Variants in SGCD observed in about 807,000 individuals in gnomAD.
The protein encoded by SGCD is delta-sarcoglycan.
A neutral mutation model predicts 36.6 loss-of-function variants in SGCD; 18 were observed. The ratio of observed to expected loss-of-function variants is 0.49; its 90% CI spans 0.34 to 0.73. The LOEUF (loss-of-function observed/expected upper bound fraction) is 0.73, where lower values mean the gene tolerates loss of function less well. Ranked by LOEUF, SGCD falls within the 30% of genes least tolerant of loss-of-function variation. SGCD has a pLI of 0.01. For missense variants in SGCD, 387 were observed against 346.7 expected (o/e 1.12, Z -0.92); for synonymous variants, 133 against 130.6 (o/e 1.02, Z -0.12).
At chr5:156,718,986 C>T (rs1755356923) in intron 7 of SGCD, among the ~76,000 whole-genome samples, 1 of 152,076 alleles carries the variant, frequency 6.6e-6, no homozygotes, top group Non-Finnish European at 1.5e-5. Context: ...CTGCCTAACC[C>T]CTCCTTACCC....
intron 3 of SGCD, among the ~76,000 whole-genome samples, chr5:156,199,125 G>A (rs553890603): frequency 6.6e-5 from 10 of 152,176 alleles, no homozygotes; most frequent in South Asian, 2.1e-4. Flanking sequence ...AAAACATCAT[G>A]AATCTGAACC....
chr5:156,311,335 C>A (rs1190158322), intron 3 of SGCD, among the ~76,000 whole-genome samples: 1 of 152,018 alleles, frequency 6.6e-6, no homozygotes, highest in Admixed American at 6.6e-5. Context: ...TGGTTATTGA[C>A]CCCGAACAGG....
Position 155,956,479 on chromosome 5 carries a change from G to A in SGCD, c.-282+86055G>A, listed in dbSNP as rs116257961. On this transcript the variant is annotated intron_variant, in intron 1 of 9. Transcript: ENST00000517913. ...TTGAGCTTGGGTAGATAATGTAGGC[G>A]CTGGCATTTATTTTCATCGTCCTGA... 7.4e-3 allele frequency among the ~76,000 whole-genome samples: 1,123 copies of A among 152,152 alleles called. 11 individuals carry two copies. The highest frequency in any genetic ancestry group is 0.026 in the African/African-American group (1,066 of 41,524).
intron 1 of SGCD, among the ~76,000 whole-genome samples, chr5:156,026,718 C>T (rs1216072998): frequency 2.6e-5 from 4 of 152,250 alleles, no homozygotes; most frequent in Non-Finnish European, 5.9e-5. Context: ...GTTCTAGTCA[C>T]GTTCCCCAGG....
At chr5:156,146,276 GATAA>G (rs1291911118) in intron 3 of SGCD, among the ~76,000 whole-genome samples, 8 of 152,158 alleles carry the variant, frequency 5.3e-5, no homozygotes, top group Admixed American at 5.2e-4. Flanking sequence ...TGCATTCAAA[GATAA>G]ATAAACATCA....
intron 1 of SGCD, among the ~76,000 whole-genome samples, chr5:156,046,266 C>A (rs1024711941): frequency 6.6e-6 from 1 of 151,980 alleles, no homozygotes; most frequent in Non-Finnish European, 1.5e-5. Context: ...CAATGAATTC[C>A]CCACATGACT....
At chr5:155,842,971 C>T in the SGCD span, among the ~76,000 whole-genome samples, 5 of 152,196 alleles carry the variant, frequency 3.3e-5, no homozygotes, top group East Asian at 7.7e-4. Context: ...AGACTATCAA[C>T]TCCATCTAAG....
Position 156,272,903 on chromosome 5 carries a change from A to G in SGCD, c.-43-56631A>G, listed in dbSNP as rs138952736. Among the ~76,000 whole-genome samples the G allele has an allele frequency of 1.6e-4, 24 of 152,352 alleles. No homozygotes were observed. The East Asian group carries it at 4.4e-3, about 28-fold the overall frequency. ...GTCTGTGGCTGCTTTTGAGCCCTAC[A>G]ATGGCAAAGTTGCATAGTTACAAAG... is the stretch of plus-strand genomic sequence containing the variant. On this transcript the variant is annotated intron_variant, in intron 3 of 9. Coordinates refer to the SGCD transcript ENST00000517913.
At chr5:156,741,785 G>T (rs936988159) in intron 7 of SGCD, among the ~76,000 whole-genome samples, 2 of 152,066 alleles carry the variant, frequency 1.3e-5, no homozygotes, top group Non-Finnish European at 2.9e-5. Flanking sequence ...TAGACAATCA[G>T]TTCCTCAATT....
chr5:156,423,310 TTATAA>T (rs1410739518), intron 3 of SGCD, among the ~76,000 whole-genome samples: 12 of 53,332 alleles, frequency 2.3e-4, no homozygotes, highest in Non-Finnish European at 2.9e-4. Flanking sequence ...ATATATTTTA[TTATAA>T]TATAATATAT....
At chr5:155,987,768 A>T (rs960696624) in intron 1 of SGCD, among the ~76,000 whole-genome samples, 3 of 152,134 alleles carry the variant, frequency 2.0e-5, no homozygotes, top group Non-Finnish European at 4.4e-5. Flanking sequence ...GCAAACTCCT[A>T]TTCTTCTTTC....
At chr5:156,758,865 C>G (rs1757437963) in intron 8 of SGCD, among the ~76,000 whole-genome samples, 1 of 151,910 alleles carries the variant, frequency 6.6e-6, no homozygotes, top group Non-Finnish European at 1.5e-5. Context: ...TGAACACTCA[C>G]CTTGCACACA....
intron 2 of SGCD, among the ~76,000 whole-genome samples, chr5:156,331,390 A>G (rs1451173395): frequency 2.6e-5 from 4 of 152,238 alleles, no homozygotes; most frequent in Admixed American, 6.5e-5. Context: ...CACTTAGTAT[A>G]TAAATCCTGT....
intron 1 of SGCD, among the ~76,000 whole-genome samples, chr5:156,094,520 A>T (rs1761329557): frequency 6.6e-6 from 1 of 152,212 alleles, no homozygotes; most frequent in Admixed American, 6.5e-5. Context: ...AAATAATTTT[A>T]GCTGGATTAG....
At chr5:155,737,341 C>T in the SGCD span, among the ~76,000 whole-genome samples, 1 of 152,158 alleles carries the variant, frequency 6.6e-6, no homozygotes, top group Non-Finnish European at 1.5e-5. Context: ...TAATGATATC[C>T]TCTATTCTGC....
intron 1 of SGCD, among the ~76,000 whole-genome samples, chr5:155,996,105 T>C (rs556503697): frequency 6.6e-6 from 1 of 151,992 alleles, no homozygotes; most frequent in South Asian, 2.1e-4. Context: ...CTGTTTTGTT[T>C]ATTATGTTTG....
At chr5:156,436,894 A>G (rs1753269961) in intron 3 of SGCD, among the ~76,000 whole-genome samples, 1 of 152,180 alleles carries the variant, frequency 6.6e-6, no homozygotes, top group African/African-American at 2.4e-5. Flanking sequence ...TGCTCATGAA[A>G]GTGTCAGGGT....
chr5:156,055,722 G>A (rs1303511123), intron 1 of SGCD, among the ~76,000 whole-genome samples: 2 of 146,172 alleles, frequency 1.4e-5, no homozygotes, highest in Non-Finnish European at 3.1e-5. Flanking sequence ...TAAATAAGAG[G>A]CAGTCAGTAA....
intron 1 of SGCD, among the ~76,000 whole-genome samples, chr5:156,047,885 C>T (rs1222413676): frequency 6.6e-6 from 1 of 151,908 alleles, no homozygotes; most frequent in African/African-American, 2.4e-5. Flanking sequence ...AGGTTAGTTA[C>T]ATATGTATAC....
Sources: gnomAD v4.1 joint callset for allele counts (sites outside exome capture counted in the v4.1 genomes callset) on GRCh38, gnomAD v4.1.1 for gene constraint, MANE v1.5 for transcripts, NCBI Gene and HGNC (gene_info 2026-07-23, HGNC 2026-07-21) for gene names.